The following PIP variants were observed in gnomAD, a reference collection of about 807,000 sequenced individuals.
The protein encoded by PIP is prolactin induced protein.
In PIP, 9 loss-of-function variants were observed where a neutral mutation model predicts 12.8. That is an observed-to-expected ratio of 0.70 (90% confidence interval 0.42 to 1.23). The LOEUF is 1.23. Among genes scored for constraint, PIP ranks in the 50% most tolerant of loss-of-function variants. The pLI, the probability that PIP is intolerant of heterozygous loss-of-function variation, is 0.00. For missense variants in PIP, 172 were observed against 179.5 expected (o/e 0.96, Z 0.24); for synonymous variants, 60 against 66.1 (o/e 0.91, Z 0.45).
At position 143,134,786 on chromosome 7, in the gene PIP, G is replaced by A. The variant is rs143044677; in HGVS notation, c.96-408G>A. 4.9e-3 allele frequency among the ~76,000 whole-genome samples: 738 copies of A among 151,698 alleles called. 11 individuals carry two copies. Among genetic ancestry groups the A allele is most frequent in the Non-Finnish European group, 7.7e-3 (524 of 67,814 alleles). Reference sequence around the variant, plus strand: ...GTTTTTGGTCAATGGAAGGGAAGAAGATGCTCGTTCATTGATGGGCATTTG... The same window carrying A: ...GTTTTTGGTCAATGGAAGGGAAGAAAATGCTCGTTCATTGATGGGCATTTG... On this transcript the variant is annotated intron_variant, in intron 1 of 3. Coordinates refer to ENST00000291009, the MANE Select transcript of PIP (RefSeq NM_002652.3).
chr7:143,139,713 G>A lies in PIP; in HGVS notation c.*71G>A. On this transcript the variant is annotated 3_prime_UTR_variant, in exon 4 of 4. Transcript: ENST00000291009. ...AAACTTGGCTGGAATTTCTGCTGTG[G>A]TCTATAAAATAAACTTCTTAACATG... is the stretch of plus-strand genomic sequence containing the variant. The A allele has an allele frequency of 1.4e-6, 2 of 1,475,640 alleles. No individual in the cohort carries two copies. The highest frequency in any genetic ancestry group is 1.2e-5 in the South Asian group (1 of 84,524). The allele number at this position is 1,475,640 out of a possible 1,614,324, so 91.4% of individuals were successfully genotyped here. A position where few individuals can be genotyped will look rare whatever the true frequency, so the allele number is the denominator to read the frequency against.
intron 1 of PIP, among the ~76,000 whole-genome samples, chr7:143,132,736 A>C (rs1799256241): frequency 6.6e-6 from 1 of 152,100 alleles, no homozygotes; most frequent in Admixed American, 6.5e-5. Flanking sequence ...GATGAATATG[A>C]TGACCTCTTG....
At chr7:143,135,851 C>T (rs1224479184) in intron 2 of PIP, among the ~76,000 whole-genome samples, 1 of 152,050 alleles carries the variant, frequency 6.6e-6, no homozygotes, top group Non-Finnish European at 1.5e-5. Flanking sequence ...GTAATCATCT[C>T]CTCCTTTTCC....
intron 2 of PIP, among the ~76,000 whole-genome samples, chr7:143,135,969 T>C (rs1254036670): frequency 5.3e-5 from 8 of 151,988 alleles, no homozygotes. Context: ...ATTCAGCAGG[T>C]CTGGGGAGAG....
At chr7:143,132,989 T>C (rs1188676038) in intron 1 of PIP, among the ~76,000 whole-genome samples, 1 of 152,024 alleles carries the variant, frequency 6.6e-6, no homozygotes, top group Non-Finnish European at 1.5e-5. Flanking sequence ...TATCCTGTCC[T>C]GGAGGAAACT....
chr7:143,132,990 G>A (rs1799260068), intron 1 of PIP, among the ~76,000 whole-genome samples: 1 of 152,000 alleles, frequency 6.6e-6, no homozygotes, highest in Non-Finnish European at 1.5e-5. Context: ...ATCCTGTCCT[G>A]GAGGAAACTG....
intron 1 of PIP, among the ~76,000 whole-genome samples, chr7:143,134,166 GAGTAGTAGTATTCCATCATATATAT>G (rs1799273744): frequency 8.0e-6 from 1 of 124,668 alleles, no homozygotes; most frequent in Admixed American, 9.0e-5. Context: ...TATTATGGCT[GAGTAGTAGTATTCCATCATATATAT>G]ATATATATAT....
At chr7:143,133,380 G>A (rs1799264158) in intron 1 of PIP, among the ~76,000 whole-genome samples, 1 of 151,934 alleles carries the variant, frequency 6.6e-6, no homozygotes, top group South Asian at 2.1e-4. Flanking sequence ...CTGTGCACTG[G>A]GCACTACAGC....
rs756496476 is a variant in PIP at position 143,135,254 on chromosome 7, C to T, written c.156C>T (p.Val52=). 6.2e-7 allele frequency: 1 copy of T among 1,602,138 alleles called. No homozygotes were observed. The highest frequency in any genetic ancestry group is 8.6e-7 in the Non-Finnish European group (1 of 1,169,116). The change falls in exon 2 of 4, where the codon GTC becomes GTT. Residue 52 remains valine (V), a synonymous_variant. Coordinates refer to ENST00000291009, the MANE Select transcript of PIP (RefSeq NM_002652.3). ...IPKSVRPNDE[V]TAVLAVQTEL... ...AGTCAGTACGTCCAAATGACGAAGTCACTGCAGTGCTTGCAGTTCAAACAG... is the reference window on the plus strand; with the variant it reads ...AGTCAGTACGTCCAAATGACGAAGTTACTGCAGTGCTTGCAGTTCAAACAG...
At chr7:143,133,048 A>AC (rs933803826) in intron 1 of PIP, among the ~76,000 whole-genome samples, 3 of 151,894 alleles carry the variant, frequency 2.0e-5, no homozygotes, top group African/African-American at 7.3e-5. Flanking sequence ...GTCCCAAGAA[A>AC]CCCTGCATGG....
Position 143,139,671 on chromosome 7 carries a change from G to T in PIP, c.*29G>T. ...AAGCCCTGTCTGTTTGCCACACCCA[G>T]GTGATTTCCTCTAAAGAAACTTGGC... On this transcript the variant is annotated 3_prime_UTR_variant, in exon 4 of 4. Coordinates refer to ENST00000291009, the MANE Select transcript of PIP (RefSeq NM_002652.3). 6.3e-7 allele frequency: 1 copy of T among 1,588,180 alleles called. No homozygotes were observed. Among genetic ancestry groups the T allele is most frequent in the Non-Finnish European group, 8.6e-7 (1 of 1,160,074 alleles).
chr7:143,133,637 G>C (rs1799267277), intron 1 of PIP, among the ~76,000 whole-genome samples: 1 of 151,834 alleles, frequency 6.6e-6, no homozygotes, highest in Non-Finnish European at 1.5e-5. Flanking sequence ...GCAGTGTATG[G>C]TCTAAATGTA....
chr7:143,138,636 G>C (rs550661888), intron 2 of PIP, among the ~76,000 whole-genome samples: 2 of 152,236 alleles, frequency 1.3e-5, no homozygotes, highest in South Asian at 4.1e-4. Flanking sequence ...CACAGATGGG[G>C]CTTGGTCACA....
At chr7:143,133,349 T>C (rs1799263796) in intron 1 of PIP, among the ~76,000 whole-genome samples, 1 of 152,038 alleles carries the variant, frequency 6.6e-6, no homozygotes, top group African/African-American at 2.4e-5. Flanking sequence ...TTGAAGTTGC[T>C]TAGGTATTTA....
At chr7:143,138,620 G>C (rs2116572567) in intron 2 of PIP, among the ~76,000 whole-genome samples, 1 of 152,282 alleles carries the variant, frequency 6.6e-6, no homozygotes, top group East Asian at 1.9e-4. Context: ...CCAAGTCAGA[G>C]AGGAGCACAG....
At chr7:143,132,488 A>C (rs1799253494) in intron 1 of PIP, among the ~76,000 whole-genome samples, 1 of 152,262 alleles carries the variant, frequency 6.6e-6, no homozygotes, top group South Asian at 2.1e-4. Flanking sequence ...TTCATCTAAC[A>C]TGCTGATCCA....
Position 143,135,248 on chromosome 7 carries a change from C to G in PIP, c.150C>G (p.Asp50Glu), listed in dbSNP as rs112182232. Residue 50 changes from aspartate (D) to glutamate (E), a missense_variant, in exon 2 of 4, where the codon GAC becomes GAG. Transcript: ENST00000291009. ...FDIPKSVRPN[D>E]EVTAVLAVQT... is the part of the protein sequence containing the mutation. ...TTCCCAAGTCAGTACGTCCAAATGA[C>G]GAAGTCACTGCAGTGCTTGCAGTTC... 6.9e-5 allele frequency: 111 copies of G among 1,603,070 alleles called. 2 individuals carry two copies. Among genetic ancestry groups the G allele is most frequent in the Middle Eastern group, 3.3e-4 (2 of 6,066 alleles).
intron 1 of PIP, among the ~76,000 whole-genome samples, chr7:143,132,728 T>C (rs989754579): frequency 4.6e-5 from 7 of 152,090 alleles, no homozygotes; most frequent in African/African-American, 1.4e-4. Context: ...AGTCTGAAGA[T>C]GAATATGATG....
At chr7:143,133,167 C>T (rs1302618666) in intron 1 of PIP, among the ~76,000 whole-genome samples, 1 of 151,996 alleles carries the variant, frequency 6.6e-6, no homozygotes. Flanking sequence ...AACCATCCAT[C>T]CTGATTTGCC....
Sources: allele counts gnomAD v4.1 joint callset (sites outside exome capture counted in the v4.1 genomes callset), GRCh38; gene constraint gnomAD v4.1.1; transcripts MANE v1.5; gene names NCBI Gene and HGNC (gene_info 2026-07-23, HGNC 2026-07-21).